Variants in CADM1 observed in about 807,000 individuals in gnomAD.
CADM1 encodes the protein TSLC-1.
Under a neutral mutation model 53.1 loss-of-function variants are expected in CADM1, and 15 were observed. The ratio of observed to expected loss-of-function variants is 0.28; its 90% CI spans 0.19 to 0.44. CADM1 has a LOEUF of 0.44. CADM1 is among the 20% of genes least tolerant of loss of function. CADM1 has a pLI of 1.00. For synonymous variants in CADM1, 281 were observed against 243.0 expected, an observed-to-expected ratio of 1.16 and a Z score of -1.45; for missense variants, 434 against 611.3, an observed-to-expected ratio of 0.71 and a Z score of 3.06.
Position 115,175,981 on chromosome 11 carries a change from C to T in CADM1, c.*493G>A, listed in dbSNP as rs1264741618. The T allele has an allele frequency of 9.7e-7, 1 of 1,030,360 alleles. No individual in the cohort carries two copies. The highest frequency in any genetic ancestry group is 1.2e-6 in the Non-Finnish European group (1 of 858,050). The allele number at this position is 1,030,360 out of a possible 1,614,324, so 63.8% of individuals were successfully genotyped here. A position where few individuals can be genotyped will look rare whatever the true frequency, so the allele number is the denominator to read the frequency against. On this transcript the variant is annotated 3_prime_UTR_variant, in exon 12 of 12. Transcript: ENST00000331581. The stretch of plus-strand genomic sequence containing the variant: ...TCCTTTTATGAAACTGAATTTGGAA[C>T]AGAAAGCAGTTACCATAAAAATAAA...
At chr11:115,277,256 T>A (rs570129902) in intron 1 of CADM1, among the ~76,000 whole-genome samples, 1 of 152,308 alleles carries the variant, frequency 6.6e-6, no homozygotes, top group East Asian at 1.9e-4. Context: ...CAAGCTCTAA[T>A]GTTGTTACGG....
chr11:115,384,614 T>C (rs972974218), intron 1 of CADM1, among the ~76,000 whole-genome samples: 1 of 152,144 alleles, frequency 6.6e-6, no homozygotes, highest in African/African-American at 2.4e-5. Flanking sequence ...TGCCAGTACC[T>C]CTCTAGAGGA....
chr11:115,345,119 T>G lies in CADM1; in HGVS notation c.125-104699A>C, dbSNP rs183125868. ...AGGGACAGCAAACAATTTGGTCCCC[T>G]TTGTCCCACAGCAGGGGCTGAGGCT... On this transcript the variant is annotated intron_variant, in intron 1 of 11. Transcript: ENST00000331581. Among the ~76,000 whole-genome samples, 26 of 152,260 alleles carry G rather than the reference T, an allele frequency of 1.7e-4. No individual in the cohort carries two copies. The East Asian group carries it at 5.0e-3, about 29-fold the overall frequency.
chr11:115,294,177 T>C (rs1943984974), intron 1 of CADM1, among the ~76,000 whole-genome samples: 2 of 152,148 alleles, frequency 1.3e-5, no homozygotes, highest in Non-Finnish European at 2.9e-5. Flanking sequence ...ACGTAGCCTC[T>C]GGTGACCCCT....
intron 1 of CADM1, among the ~76,000 whole-genome samples, chr11:115,249,012 A>T (rs1942503705): frequency 6.6e-6 from 1 of 152,236 alleles, no homozygotes. Context: ...GAGGCTTCTT[A>T]TGAAACTAAT....
At chr11:115,379,976 T>C (rs1946533525) in intron 1 of CADM1, among the ~76,000 whole-genome samples, 1 of 152,100 alleles carries the variant, frequency 6.6e-6, no homozygotes, top group African/African-American at 2.4e-5. Context: ...AATCAACACA[T>C]ATAGGTCAGA....
intron 4 of CADM1, 91 bp downstream of exon 4, chr11:115,231,262 T>A (rs1223798331): frequency 7.3e-7 from 1 of 1,376,850 alleles, no homozygotes; most frequent in Non-Finnish European, 1.0e-6. Flanking sequence ...TTTTGTTTCA[T>A]GGGCATGTTT....
At chr11:115,442,384 T>C (rs1948336806) in intron 1 of CADM1, among the ~76,000 whole-genome samples, 1 of 152,060 alleles carries the variant, frequency 6.6e-6, no homozygotes, top group Admixed American at 6.6e-5. Context: ...GACTGACCAA[T>C]CCCAAATCCC....
Position 115,228,446 on chromosome 11 carries a change from C to T in CADM1, c.721+667G>A, listed in dbSNP as rs771889791. ...AAGATCACCTTGATTTTTCAGAAGC[C>T]AAATACAAAGTGAGAAGCTGGCTAC... On this transcript the variant is annotated intron_variant, in intron 5 of 11. Transcript: ENST00000331581. Among the ~76,000 whole-genome samples, 4 of 152,080 alleles carry T rather than the reference C, an allele frequency of 2.6e-5. No individual in the cohort carries two copies. The South Asian group carries it at 8.3e-4, about 32-fold the overall frequency.
rs1027380023 is a variant in CADM1, at chr11:115,314,265, G to C, written c.125-73845C>G. On this transcript the variant is annotated intron_variant, in intron 1 of 11. Coordinates refer to ENST00000331581, the MANE Select transcript of CADM1 (RefSeq NM_001301043.2). ...GTGAAAGGGCACATGGGGGGACACT[G>C]GGGGAGAGAAGAACAGTCAGGAGCC... Among the ~76,000 whole-genome samples the C allele has an allele frequency of 3.9e-5, 6 of 152,050 alleles. No individual in the cohort carries two copies. In the East Asian group the frequency reaches 1.2e-3, roughly 29 times the overall value.
chr11:115,428,782 T>TGTGTGC (rs970016374), intron 1 of CADM1, among the ~76,000 whole-genome samples: 28 of 2,670 alleles, frequency 0.01, no homozygotes, highest in Non-Finnish European at 0.082. Flanking sequence ...TGTGTGTGCG[T>TGTGTGC]GTGTGTGTGT....
chr11:115,461,661 G>C (rs1239997142), intron 1 of CADM1, among the ~76,000 whole-genome samples: 1 of 152,164 alleles, frequency 6.6e-6, no homozygotes, highest in East Asian at 1.9e-4. Flanking sequence ...AAATGAATAT[G>C]GATGAACCTG....
At chr11:115,405,943 T>C (rs191493492) in intron 1 of CADM1, among the ~76,000 whole-genome samples, 72 of 152,294 alleles carry the variant, frequency 4.7e-4, no homozygotes, top group South Asian at 3.1e-3. Flanking sequence ...CACGGCATAG[T>C]GTTAAGATGT....
intron 1 of CADM1, among the ~76,000 whole-genome samples, chr11:115,245,375 C>T (rs1481639021): frequency 6.6e-6 from 1 of 152,038 alleles, no homozygotes; most frequent in Admixed American, 6.5e-5. Flanking sequence ...TGAAATTTTA[C>T]ACAAATGAAA....
intron 10 of CADM1, among the ~76,000 whole-genome samples, chr11:115,187,369 G>C (rs1028206270): frequency 6.6e-6 from 1 of 152,134 alleles, no homozygotes. Context: ...CCCCACCTCC[G>C]GGACTGATAA....
chr11:115,364,388 T>C (rs917956951), intron 1 of CADM1, among the ~76,000 whole-genome samples: 22 of 152,300 alleles, frequency 1.4e-4, no homozygotes, highest in African/African-American at 4.8e-4. Context: ...TCTTTTAATT[T>C]TCCTTTTTAA....
At chr11:115,464,285 T>C (rs1043884348) in intron 1 of CADM1, among the ~76,000 whole-genome samples, 3 of 152,162 alleles carry the variant, frequency 2.0e-5, no homozygotes, top group Non-Finnish European at 4.4e-5. Context: ...AATATAAAAG[T>C]CTATTCACAG....
intron 8 of CADM1, among the ~76,000 whole-genome samples, chr11:115,206,437 G>T (rs1237848713): frequency 1.3e-5 from 2 of 152,148 alleles, no homozygotes; most frequent in Non-Finnish European, 2.9e-5. Context: ...AGCAGAGTCC[G>T]ATTTGGCTTA....
rs1480564818 is a variant in CADM1 at position 115,318,822 on chromosome 11, G to A, written c.125-78402C>T. On this transcript the variant is annotated intron_variant, in intron 1 of 11. Coordinates refer to ENST00000331581, the MANE Select transcript of CADM1 (RefSeq NM_001301043.2). ...TTCCAGCCTGTTGGAATAGGTAGGTGGTGAGCTAGGTAATGCAGTAAGGAT... is the reference window on the plus strand; with the variant it reads ...TTCCAGCCTGTTGGAATAGGTAGGTAGTGAGCTAGGTAATGCAGTAAGGAT... Among the ~76,000 whole-genome samples, 4 of 152,106 alleles carry A rather than the reference G, an allele frequency of 2.6e-5. No individual in the cohort carries two copies. In the East Asian group the frequency reaches 7.7e-4, roughly 29 times the overall value.
Sources: gnomAD v4.1 joint callset for allele counts (sites outside exome capture counted in the v4.1 genomes callset) on GRCh38, gnomAD v4.1.1 for gene constraint, MANE v1.5 for transcripts, NCBI Gene and HGNC (gene_info 2026-07-23, HGNC 2026-07-21) for gene names.